CAPZA2: variants seen among roughly 807,000 people sequenced by gnomAD.
CAPZA2 encodes the protein F-actin-capping protein subunit alpha-2.
Under a neutral mutation model 44.0 loss-of-function variants are expected in CAPZA2, and 13 were observed. The observed-to-expected ratio is 0.30, with a 90% CI of 0.19 to 0.47. CAPZA2 has a LOEUF of 0.47. Ranked by LOEUF, CAPZA2 falls within the 20% of genes least tolerant of loss-of-function variation. CAPZA2 has a pLI of 1.00. For synonymous variants in CAPZA2, 94 were observed against 108.2 expected (o/e 0.87, Z 0.81); for missense variants, 244 against 338.6 (o/e 0.72, Z 2.19).
intron 1 of CAPZA2, among the ~76,000 whole-genome samples, chr7:116,884,519 A>G (rs1024398523): frequency 4.6e-5 from 7 of 152,278 alleles, no homozygotes; most frequent in East Asian, 1.9e-4. Flanking sequence ...TAGAGTTACT[A>G]TGTAACCTTT....
At position 116,904,263 on chromosome 7, in the gene CAPZA2, G is replaced by A. The variant is rs780280075; in HGVS notation, c.306G>A (p.Arg102=). Residue 102 remains arginine (R), a synonymous_variant, in exon 5 of 10, where the codon AGG becomes AGA. Transcript: ENST00000361183. ...NRICFKFDHL[R]KEATDPRPCE... is the part of the protein sequence containing the mutation. The stretch of plus-strand genomic sequence containing the variant: ...TCTGTTTTAAATTTGATCACTTAAG[G>A]AAGGAGGCAACTGATCCAAGACCCT... 57 of 1,613,384 alleles carry A rather than the reference G, an allele frequency of 3.5e-5. No individual in the cohort carries two copies. The highest frequency in any genetic ancestry group is 1.6e-4 in the Middle Eastern group (1 of 6,080).
rs1791760269 is a variant in CAPZA2 at position 116,920,795 on chromosome 7, G to A, written c.*2928G>A. ...CAGGATGAAGGACCTCAAGGTTAGT[G>A]ATAATGAATTTAAAGTAAATGAGAC... On this transcript the variant is annotated 3_prime_UTR_variant, in exon 10 of 10. Transcript: ENST00000361183. 1 of 152,356 alleles carries A rather than the reference G, an allele frequency of 6.6e-6. No individual in the cohort carries two copies. The highest frequency in any genetic ancestry group is 2.1e-4 in the South Asian group (1 of 4,832). 9.4% of individuals were successfully genotyped at this position (152,356 alleles called of 1,614,324 possible).
rs1791773261 is a variant in CAPZA2, at chr7:116,921,772, A to C, written c.*3905A>C. ...TTTTGAGGAGTTACTAGTAATGACA[A>C]ATATGACCAACGGAGTGACTGGCTG... On this transcript the variant is annotated 3_prime_UTR_variant, in exon 10 of 10. Transcript: ENST00000361183. 1 of 152,184 alleles carries C rather than the reference A, an allele frequency of 6.6e-6. No homozygotes were observed. Among genetic ancestry groups the C allele is most frequent in the African/African-American group, 2.4e-5 (1 of 41,426 alleles). 9.4% of individuals were successfully genotyped at this position (152,184 alleles called of 1,614,324 possible). A position where few individuals can be genotyped will look rare whatever the true frequency, so the allele number is the denominator to read the frequency against.
Position 116,906,360 on chromosome 7 carries a change from AT to A in CAPZA2, c.506+19del. ...AATTTTTGGTAAGTTAAAATTTTGG[AT>A]ATTGGGGAGTTTTGGCATTGTTTTA... On this transcript the variant is annotated intron_variant, in intron 6 of 9. Transcript: ENST00000361183. The A allele has an allele frequency of 6.2e-7, 1 of 1,609,384 alleles. No homozygotes were observed. Among genetic ancestry groups the A allele is most frequent in the Non-Finnish European group, 8.5e-7 (1 of 1,178,806 alleles).
chr7:116,902,132 T>C, intron 4 of CAPZA2, among the ~76,000 whole-genome samples: 1 of 152,118 alleles, frequency 6.6e-6, no homozygotes, highest in East Asian at 1.9e-4. Context: ...AACTGGTTTC[T>C]ATAAGAAGAA....
chr7:116,912,299 G>A (rs1282497686), intron 8 of CAPZA2, among the ~76,000 whole-genome samples, 159 bp downstream of exon 8: 1 of 151,930 alleles, frequency 6.6e-6, no homozygotes, highest in Non-Finnish European at 1.5e-5. Flanking sequence ...CTTTTTTGCA[G>A]CTTTGAGATA....
At chr7:116,886,621 T>TA (rs1796764755) in intron 1 of CAPZA2, among the ~76,000 whole-genome samples, 1 of 152,260 alleles carries the variant, frequency 6.6e-6, no homozygotes, top group Admixed American at 6.5e-5. Context: ...GGTCCCTTCA[T>TA]ACAGTGAGTA....
chr7:116,876,862 G>A (rs541766843), intron 1 of CAPZA2, among the ~76,000 whole-genome samples: 1 of 152,226 alleles, frequency 6.6e-6, no homozygotes, highest in African/African-American at 2.4e-5. Flanking sequence ...CATGGGAGTT[G>A]TGCTTGAGGA....
chr7:116,898,886 A>G (rs1188859708), intron 4 of CAPZA2, 51 bp downstream of exon 4: 6 of 1,101,066 alleles, frequency 5.4e-6, no homozygotes, highest in Non-Finnish European at 8.1e-6. Context: ...CCGTTAAGGT[A>G]TCCTGCAAGA....
Position 116,906,314 on chromosome 7 carries a change from A to G in CAPZA2, c.478A>G (p.Ser160Gly). 1 of 1,612,854 alleles carries G rather than the reference A, an allele frequency of 6.2e-7. No homozygotes were observed. The highest frequency in any genetic ancestry group is 8.5e-7 in the Non-Finnish European group (1 of 1,179,750). The change falls in exon 6 of 10, where the codon AGC (serine) becomes GGC (glycine). Residue 160 changes from serine (S) to glycine (G), a missense_variant. Coordinates refer to ENST00000361183, the MANE Select transcript of CAPZA2 (RefSeq NM_006136.3). Reference sequence around the variant, plus strand: ...GCAAACCATTATTGCATGCATAGAAAGCCATCAGTTCCAAGCAAAAAATTT... The same window carrying G: ...GCAAACCATTATTGCATGCATAGAAGGCCATCAGTTCCAAGCAAAAAATTT... Reference protein sequence around the residue: ...GQQTIIACIESHQFQAKNFWN... With the variant: ...GQQTIIACIEGHQFQAKNFWN...
chr7:116,914,316 A>G (rs1178787556), intron 8 of CAPZA2, among the ~76,000 whole-genome samples: 3 of 152,136 alleles, frequency 2.0e-5, no homozygotes, highest in Non-Finnish European at 4.4e-5. Context: ...GGCGTGAGCC[A>G]CTGCGCCCGG....
intron 2 of CAPZA2, among the ~76,000 whole-genome samples, chr7:116,890,559 T>C (rs868226349): frequency 1.5e-4 from 2 of 13,666 alleles, no homozygotes; most frequent in Admixed American, 1.1e-3. Flanking sequence ...TATATATATA[T>C]ATATATATAC....
In CAPZA2 at chr7:116,918,029, T is replaced by C. The variant is rs1791704030; in HGVS notation, c.*162T>C. ...AGCACAAAGCTTAGCTAATCAACCA[T>C]TATTTTTCATTTTGTTTGTTCTAAG... On this transcript the variant is annotated 3_prime_UTR_variant, in exon 10 of 10. Transcript: ENST00000361183. 3.6e-6 allele frequency: 2 copies of C among 561,848 alleles called. No homozygotes were observed. Among genetic ancestry groups the C allele is most frequent in the Non-Finnish European group, 3.2e-6 (1 of 315,166 alleles). The allele number at this position is 561,848 out of a possible 1,614,324, so 34.8% of individuals were successfully genotyped here. A position where few individuals can be genotyped will look rare whatever the true frequency, so the allele number is the denominator to read the frequency against.
intron 8 of CAPZA2, among the ~76,000 whole-genome samples, chr7:116,912,947 A>G (rs1446585762): frequency 3.9e-5 from 6 of 152,124 alleles, no homozygotes; most frequent in Admixed American, 6.5e-5. Flanking sequence ...TCTTTTTCCA[A>G]AATGTGTCCT....
chr7:116,903,233 AGTGTGTGTGTGTGT>A (rs71148342), intron 4 of CAPZA2, among the ~76,000 whole-genome samples: 3 of 146,340 alleles, frequency 2.1e-5, no homozygotes, highest in Admixed American at 6.8e-5. Context: ...TGCAGAGAAG[AGTGTGTGTGTGTGT>A]GTGTGTGTGT....
chr7:116,875,780 A>G (rs1005833885), intron 1 of CAPZA2: 4 of 151,106 alleles, frequency 2.6e-5, no homozygotes, highest in Non-Finnish European at 5.9e-5. Context: ...GACTCAAGTG[A>G]TCCTCCCATC....
intron 1 of CAPZA2, chr7:116,874,350 C>T (rs7796146): frequency 0.055 from 8,394 of 153,452 alleles, 793 homozygotes; most frequent in African/African-American, 0.19. Flanking sequence ...GGTAAATGTT[C>T]GGCTTCTGCA....
rs557434747 is a variant in CAPZA2, at chr7:116,880,696, C to CTTTTT, written c.40-7397_40-7393dup. Reference sequence around the variant, plus strand: ...ATAGGCATGAGCCACTGTAACCTGCCTTTTTTTTTTTTTTTTTTTTTTTTT... The same window carrying CTTTTT: ...ATAGGCATGAGCCACTGTAACCTGCCTTTTTTTTTTTTTTTTTTTTTTTTTTTTTT... On this transcript the variant is annotated intron_variant, in intron 1 of 9. Transcript: ENST00000361183. Among the ~76,000 whole-genome samples the CTTTTT allele has an allele frequency of 3.2e-4, 8 of 24,686 alleles. 3 individuals carry two copies. The highest frequency in any genetic ancestry group is 3.2e-4 in the Non-Finnish European group (4 of 12,568). 16.2% of individuals were successfully genotyped at this position (24,686 alleles called of 152,430 possible).
At chr7:116,872,529 C>T (rs1263328283) in intron 1 of CAPZA2, among the ~76,000 whole-genome samples, 3 of 151,900 alleles carry the variant, frequency 2.0e-5, no homozygotes, top group African/African-American at 7.3e-5. Flanking sequence ...AACAAATTAC[C>T]ACTCTTAAGT....
Sources: gnomAD v4.1 joint callset for allele counts (sites outside exome capture counted in the v4.1 genomes callset) on GRCh38, gnomAD v4.1.1 for gene constraint, MANE v1.5 for transcripts, NCBI Gene and HGNC (gene_info 2026-07-23, HGNC 2026-07-21) for gene names.